ALOX5: variants seen among roughly 807,000 people sequenced by gnomAD.
ALOX5 encodes the protein arachidonate 5-lipoxygenase, also known as polyunsaturated fatty acid 5-lipoxygenase.
A neutral mutation model predicts 87.9 loss-of-function variants in ALOX5; 64 were observed. That is an observed-to-expected ratio of 0.73 (90% CI 0.60 to 0.90). ALOX5 has a LOEUF of 0.90. ALOX5 is among the 40% of genes least tolerant of loss of function. The pLI, the probability that ALOX5 is intolerant of heterozygous loss-of-function variation, is 0.00. For missense variants in ALOX5, 822 were observed against 907.5 expected (o/e 0.91, Z 1.21); for synonymous variants, 388 against 355.1 (o/e 1.09, Z -1.04).
chr10:45,414,809 A>T (rs1055876954), intron 4 of ALOX5, among the ~76,000 whole-genome samples: 12 of 152,272 alleles, frequency 7.9e-5, no homozygotes, highest in Non-Finnish European at 1.3e-4. Context: ...GAAGACATTC[A>T]TGCAGCCAAT....
intron 1 of ALOX5, among the ~76,000 whole-genome samples, chr10:45,379,250 G>A (rs886840874): frequency 2.0e-5 from 3 of 151,658 alleles, no homozygotes; most frequent in Non-Finnish European, 2.9e-5. Context: ...CCCCACCCCA[G>A]CTTTCCTGTC....
At chr10:45,384,266 A>G (rs939504119) in intron 2 of ALOX5, among the ~76,000 whole-genome samples, 3 of 152,180 alleles carry the variant, frequency 2.0e-5, no homozygotes, top group Non-Finnish European at 4.4e-5. Context: ...CAGAGTTCCC[A>G]GTGGAAAACC....
intron 3 of ALOX5, 144 bp downstream of exon 3, chr10:45,396,080 C>A: frequency 1.4e-6 from 1 of 724,882 alleles, no homozygotes. Flanking sequence ...TGTGGGTGCA[C>A]AATCCCCAAA....
At chr10:45,392,651 G>A (rs899408418) in intron 2 of ALOX5, among the ~76,000 whole-genome samples, 4 of 150,952 alleles carry the variant, frequency 2.6e-5, no homozygotes, top group African/African-American at 9.8e-5. Context: ...CTCCACTATT[G>A]TCCTATGACC....
intron 2 of ALOX5, among the ~76,000 whole-genome samples, chr10:45,389,915 C>G (rs1840150956): frequency 6.6e-6 from 1 of 152,216 alleles, no homozygotes; most frequent in South Asian, 2.1e-4. Context: ...GATAAAGAGT[C>G]AAGACCCATC....
At chr10:45,431,469 A>G (rs184928838) in intron 7 of ALOX5, among the ~76,000 whole-genome samples, 26 of 152,196 alleles carry the variant, frequency 1.7e-4, no homozygotes, top group Non-Finnish European at 2.9e-4. Flanking sequence ...GTTTAGATAA[A>G]TATATTTCTC....
At chr10:45,432,430 G>A (rs1841936601) in intron 7 of ALOX5, among the ~76,000 whole-genome samples, 1 of 151,968 alleles carries the variant, frequency 6.6e-6, no homozygotes, top group African/African-American at 2.4e-5. Flanking sequence ...TAAGGTTACT[G>A]TTAAGCAGAC....
intron 1 of ALOX5, among the ~76,000 whole-genome samples, chr10:45,381,474 T>G (rs1427907643): frequency 6.6e-6 from 1 of 152,060 alleles, no homozygotes; most frequent in Non-Finnish European, 1.5e-5. Context: ...GTGGCAGAGG[T>G]GGGAGTCACT....
At chr10:45,396,238 C>T (rs1435860931) in intron 3 of ALOX5, among the ~76,000 whole-genome samples, 1 of 152,190 alleles carries the variant, frequency 6.6e-6, no homozygotes, top group Non-Finnish European at 1.5e-5. Context: ...CCTCTTACTT[C>T]TTATGTCTTC....
intron 4 of ALOX5, among the ~76,000 whole-genome samples, chr10:45,415,675 A>G (rs994854441): frequency 6.6e-6 from 1 of 152,222 alleles, no homozygotes; most frequent in Admixed American, 6.5e-5. Flanking sequence ...AAGGGCATCA[A>G]TATTTAAAGG....
Position 45,412,402 on chromosome 10 carries a change from C to T in ALOX5, c.554+89C>T, listed in dbSNP as rs1841098579. The T allele has an allele frequency of 1.9e-6, 3 of 1,542,700 alleles. No individual in the cohort carries two copies. In the Admixed American group the frequency reaches 5.8e-5, roughly 30 times the overall value. On this transcript the variant is annotated intron_variant, in intron 4 of 13. Coordinates refer to ENST00000374391, the MANE Select transcript of ALOX5 (RefSeq NM_000698.5). ...CCCTCACTCCTTTCCTCATGGGGTC[C>T]TTGGGTTGGGGGAACAGCCTAGCTG...
chr10:45,441,700 G>A, intron 9 of ALOX5: 1 of 465,836 alleles, frequency 2.1e-6, no homozygotes, highest in Non-Finnish European at 3.8e-6. Context: ...TCTGGGACCT[G>A]GGTGTAGACC....
chr10:45,416,603 G>A (rs2132775506), intron 4 of ALOX5, among the ~76,000 whole-genome samples: 1 of 152,284 alleles, frequency 6.6e-6, no homozygotes, highest in African/African-American at 2.4e-5. Context: ...GTGAGGTAGT[G>A]AGGTGGAGAG....
chr10:45,374,472 G>A (rs1839509547), intron 1 of ALOX5, 43 bp downstream of exon 1: 3 of 1,469,896 alleles, frequency 2.0e-6, no homozygotes, highest in South Asian at 1.4e-5. Flanking sequence ...GCTGAGGTGC[G>A]TCCGGGACCC....
intron 2 of ALOX5, 140 bp downstream of exon 2, chr10:45,382,821 AC>A (rs1839889770): frequency 6.9e-6 from 7 of 1,011,430 alleles, no homozygotes; most frequent in Non-Finnish European, 1.0e-5. Flanking sequence ...GTGCCTCGAC[AC>A]ACCTGCAGGA....
chr10:45,399,064 C>T (rs764475268), intron 3 of ALOX5, among the ~76,000 whole-genome samples: 26 of 152,172 alleles, frequency 1.7e-4, no homozygotes, highest in Non-Finnish European at 3.2e-4. Flanking sequence ...CCCAAACGTC[C>T]ATTAATGGAT....
At chr10:45,421,590 G>A (rs889494178) in intron 4 of ALOX5, among the ~76,000 whole-genome samples, 11 of 152,260 alleles carry the variant, frequency 7.2e-5, no homozygotes, top group African/African-American at 2.7e-4. Context: ...CTGACGAGGG[G>A]TGCTGGGGGA....
intron 3 of ALOX5, among the ~76,000 whole-genome samples, chr10:45,398,597 T>C (rs1840594033): frequency 6.6e-6 from 1 of 152,182 alleles, no homozygotes; most frequent in Admixed American, 6.5e-5. Context: ...TATTTACAAA[T>C]TGTATATCTG....
intron 2 of ALOX5, among the ~76,000 whole-genome samples, chr10:45,391,950 C>T (rs1257118098): frequency 3.3e-5 from 5 of 150,620 alleles, no homozygotes; most frequent in African/African-American, 7.3e-5. Context: ...AAGTGAGGAG[C>T]GTCTCCGCCC....
Sources: gnomAD v4.1 joint callset for allele counts (sites outside exome capture counted in the v4.1 genomes callset) on GRCh38, gnomAD v4.1.1 for gene constraint, MANE v1.5 for transcripts, NCBI Gene and HGNC (gene_info 2026-07-23, HGNC 2026-07-21) for gene names.